Variants in FRMD4B observed in about 807,000 individuals in gnomAD.
The protein encoded by FRMD4B is FERM domain-containing protein 4B.
Under a neutral mutation model 141.5 loss-of-function variants are expected in FRMD4B, and 74 were observed. That is an observed-to-expected ratio of 0.52 (90% confidence interval 0.43 to 0.63). The LOEUF (loss-of-function observed/expected upper bound fraction) is 0.63. Ranked by LOEUF, FRMD4B falls within the 30% of genes least tolerant of loss-of-function variation. The pLI, the probability that FRMD4B is intolerant of heterozygous loss-of-function variation, is 0.00. For missense variants in FRMD4B, 1,366 were observed against 1,253.4 expected, an observed-to-expected ratio of 1.09 and a Z score of -1.36; for synonymous variants, 506 against 467.9, an observed-to-expected ratio of 1.08 and a Z score of -1.05.
chr3:69,479,106 A>C (rs542916634), intron 1 of FRMD4B, among the ~76,000 whole-genome samples: 1,534 of 144,256 alleles, frequency 0.011, 11 homozygotes, highest in East Asian at 0.049. Context: ...GTGTCTCTGC[A>C]CATGAGATGG....
At chr3:69,346,403 C>A (rs953839943) in intron 1 of FRMD4B, among the ~76,000 whole-genome samples, 9 of 152,178 alleles carry the variant, frequency 5.9e-5, no homozygotes, top group Admixed American at 2.0e-4. Context: ...TTGGAAAACA[C>A]TCTGCAAGAT....
At chr3:69,222,735 C>T (rs1428011879) in intron 8 of FRMD4B, among the ~76,000 whole-genome samples, 1 of 152,120 alleles carries the variant, frequency 6.6e-6, no homozygotes, top group Non-Finnish European at 1.5e-5. Flanking sequence ...TGCGCCATTG[C>T]ACTCCAGCCT....
intron 1 of FRMD4B, among the ~76,000 whole-genome samples, chr3:69,475,379 C>T (rs549436444): frequency 6.6e-6 from 1 of 151,308 alleles, no homozygotes; most frequent in South Asian, 2.1e-4. Context: ...ACAACAGTCC[C>T]CAGAGTGTAA....
chr3:69,218,428 C>T (rs1355418998), intron 9 of FRMD4B, 49 bp from the exon 10 acceptor site: 3 of 753,254 alleles, frequency 4.0e-6, no homozygotes, highest in East Asian at 5.5e-5. Context: ...AGTTAGAGGA[C>T]CCTTTTGGGA....
chr3:69,386,645 T>G (rs1704264537), upstream of FRMD4B, among the ~76,000 whole-genome samples: 1 of 152,192 alleles, frequency 6.6e-6, no homozygotes, highest in Admixed American at 6.5e-5. Context: ...TTTCCTTGGT[T>G]CTGCTGGAAG....
In FRMD4B at chr3:69,181,412, G is replaced by A. The variant is rs575416396; in HGVS notation, c.2338C>T (p.Pro780Ser). ...NVSTSNSGSMPNLAQKDSLRN... is the reference protein window; with the variant it reads ...NVSTSNSGSMSNLAQKDSLRN... ...AAACTATCCTTTTGTGCTAGGTTGGGCATGCTTCCTGAATTTGAAGTAGAA... is the reference window on the plus strand; with the variant it reads ...AAACTATCCTTTTGTGCTAGGTTGGACATGCTTCCTGAATTTGAAGTAGAA... Residue 780 changes from proline to serine, a missense_variant, in exon 21 of 23, where the codon CCC (proline) becomes TCC (serine). Coordinates refer to ENST00000398540, the MANE Select transcript of FRMD4B (RefSeq NM_015123.3). The A allele has an allele frequency of 6.2e-7, 1 of 1,613,922 alleles. No homozygotes were observed. The highest frequency in any genetic ancestry group is 1.7e-5 in the Admixed American group (1 of 60,022).
chr3:69,528,290 T>TCTTC (rs112618879), intron 1 of FRMD4B, among the ~76,000 whole-genome samples: 2 of 148,704 alleles, frequency 1.3e-5, no homozygotes, highest in Non-Finnish European at 3.0e-5. Flanking sequence ...TCCTTCCTTT[T>TCTTC]CTTCCTTCCT....
intron 2 of FRMD4B, 119 bp downstream of exon 2, chr3:69,313,333 G>T: frequency 1.4e-6 from 1 of 733,886 alleles, no homozygotes; most frequent in South Asian, 1.5e-5. Context: ...AAAGATAACA[G>T]AGAAGCCTGA....
At chr3:69,413,973 T>A (rs1704806056) in intron 2 of FRMD4B, among the ~76,000 whole-genome samples, 1 of 152,216 alleles carries the variant, frequency 6.6e-6, no homozygotes, top group Non-Finnish European at 1.5e-5. Flanking sequence ...TTCTGGAATT[T>A]CTCGATTCTG....
intron 1 of FRMD4B, chr3:69,536,019 G>C: frequency 2.5e-6 from 1 of 397,384 alleles, no homozygotes; most frequent in South Asian, 2.1e-5. Context: ...GGCACTGGAA[G>C]GGACCTGCGT....
At position 69,183,365 on chromosome 3, in the gene FRMD4B, A is replaced by G. The variant is rs59664278; in HGVS notation, c.1920-648T>C. Among the ~76,000 whole-genome samples the G allele has an allele frequency of 6.3e-3, 959 of 152,226 alleles. 11 individuals carry two copies. Among genetic ancestry groups the G allele is most frequent in the African/African-American group, 0.022 (903 of 41,548 alleles). On this transcript the variant is annotated intron_variant, in intron 19 of 22. Coordinates refer to ENST00000398540, the MANE Select transcript of FRMD4B (RefSeq NM_015123.3). ...CACGGTCTGCGCAAAAACAGGCAGC[A>G]GGATGGATTTGGCCACTGGACTGTT... is the stretch of plus-strand genomic sequence containing the variant.
intron 7 of FRMD4B, among the ~76,000 whole-genome samples, chr3:69,229,015 G>GTTTTTTTTTTTTTTTTTT (rs58912710): frequency 8.3e-6 from 1 of 120,984 alleles, no homozygotes; most frequent in African/African-American, 3.0e-5. Flanking sequence ...TCAAAATCAT[G>GTTTTTTTTTTTTTTTTTT]TTTTTTTTTT....
intron 11 of FRMD4B, among the ~76,000 whole-genome samples, chr3:69,210,779 T>A (rs1448210777): frequency 1.3e-5 from 2 of 151,972 alleles, no homozygotes; most frequent in Non-Finnish European, 2.9e-5. Flanking sequence ...TTTGGGAGGC[T>A]CAGGCAGGTG....
Position 69,446,701 on chromosome 3 carries a change from T to C in FRMD4B, c.-128-13940A>G, listed in dbSNP as rs28593112. Reference sequence around the variant, plus strand: ...CCTCTACTCAGAGTTAAAACTCAATTTGTTGCTTGGAAGACAAGTTAATTT... The same window carrying C: ...CCTCTACTCAGAGTTAAAACTCAATCTGTTGCTTGGAAGACAAGTTAATTT... On this transcript the variant is annotated intron_variant, in intron 1 of 5. Transcript: ENST00000459638. 2.3e-3 allele frequency among the ~76,000 whole-genome samples: 351 copies of C among 152,284 alleles called. 1 individual carries two copies. The highest frequency in any genetic ancestry group is 8.2e-3 in the African/African-American group (339 of 41,552).
At chr3:69,225,885 A>G (rs1340509038) in intron 7 of FRMD4B, among the ~76,000 whole-genome samples, 1 of 152,100 alleles carries the variant, frequency 6.6e-6, no homozygotes, top group East Asian at 1.9e-4. Context: ...ACTGGTGTTC[A>G]TCAAACAGCA....
intron 8 of FRMD4B, among the ~76,000 whole-genome samples, chr3:69,224,075 G>A (rs2093225627): frequency 6.6e-6 from 1 of 152,006 alleles, no homozygotes; most frequent in Non-Finnish European, 1.5e-5. Context: ...TATTTAACAA[G>A]AATGTAAGTA....
chr3:69,298,762 C>T (rs1242286306), intron 4 of FRMD4B, among the ~76,000 whole-genome samples: 2 of 152,134 alleles, frequency 1.3e-5, no homozygotes, highest in Admixed American at 1.3e-4. Context: ...AGAGGCCTTC[C>T]CTGACCACTG....
chr3:69,511,109 C>T (rs1706679624), intron 1 of FRMD4B, among the ~76,000 whole-genome samples: 1 of 152,084 alleles, frequency 6.6e-6, no homozygotes, highest in East Asian at 1.9e-4. Context: ...AGATATGTCG[C>T]CCTGATCAAC....
intron 1 of FRMD4B, among the ~76,000 whole-genome samples, chr3:69,321,535 T>G (rs938930883): frequency 2.6e-5 from 4 of 152,118 alleles, no homozygotes; most frequent in African/African-American, 9.7e-5. Context: ...TAATTCCAAT[T>G]GAGCCCTACA....
Sources: gnomAD v4.1 joint callset for allele counts (sites outside exome capture counted in the v4.1 genomes callset) on GRCh38, gnomAD v4.1.1 for gene constraint, MANE v1.5 for transcripts, NCBI Gene and HGNC (gene_info 2026-07-23, HGNC 2026-07-21) for gene names.